The following ASXL2 variants were observed in gnomAD, a reference collection of about 807,000 sequenced individuals.
ASXL2 encodes the protein ASXL transcriptional regulator 2.
In ASXL2, 23 loss-of-function variants were observed where a neutral mutation model predicts 122.0. The ratio of observed to expected loss-of-function variants is 0.19; its 90% CI spans 0.14 to 0.27. ASXL2 has a LOEUF of 0.27. Ranked by LOEUF, ASXL2 falls within the 10% of genes least tolerant of loss-of-function variation. ASXL2 has a pLI of 1.00. For missense variants in ASXL2, 1,518 were observed against 1,713.8 expected, an observed-to-expected ratio of 0.89 and a Z score of 2.02; for synonymous variants, 650 against 637.0, an observed-to-expected ratio of 1.02 and a Z score of -0.31.
chr2:25,802,578 T>C (rs2089016942), intron 4 of ASXL2, among the ~76,000 whole-genome samples: 1 of 152,190 alleles, frequency 6.6e-6, no homozygotes, highest in Non-Finnish European at 1.5e-5. Flanking sequence ...ACACAGCTCC[T>C]ATGTCCCTTG....
chr2:25,780,465 C>T (rs1454531066), intron 5 of ASXL2, among the ~76,000 whole-genome samples: 1 of 152,004 alleles, frequency 6.6e-6, no homozygotes, highest in Non-Finnish European at 1.5e-5. Flanking sequence ...TACATCTTAA[C>T]CAGTGGTTCT....
intron 9 of ASXL2, 26 bp from the exon 10 acceptor site, chr2:25,756,140 A>G: frequency 1.4e-6 from 2 of 1,471,930 alleles, no homozygotes; most frequent in Non-Finnish European, 1.8e-6. Context: ...AGCCAAGGAA[A>G]GCTTACAAAG....
At chr2:25,827,851 C>T (rs971045539) in intron 3 of ASXL2, among the ~76,000 whole-genome samples, 4 of 152,034 alleles carry the variant, frequency 2.6e-5, no homozygotes, top group Admixed American at 6.5e-5. Flanking sequence ...ATCTAGGAAT[C>T]GCCTAGAGAG....
chr2:25,839,692 G>A (rs559341073), intron 2 of ASXL2, among the ~76,000 whole-genome samples: 123 of 146,730 alleles, frequency 8.4e-4, no homozygotes, highest in Non-Finnish European at 1.6e-3. Context: ...GCACGATCAC[G>A]GCTCATTGCA....
intron 5 of ASXL2, 108 bp downstream of exon 5, chr2:25,799,277 G>T: frequency 1.4e-6 from 2 of 1,460,282 alleles, no homozygotes; most frequent in Non-Finnish European, 9.5e-7. Context: ...GTTATAGAGG[G>T]TAAGGGAAAG....
At position 25,734,101 on chromosome 2, in the gene ASXL2, GTTTT is replaced by G. The variant is rs774880259; in HGVS notation, c.*7924_*7927del. The G allele has an allele frequency of 6.7e-6, 1 of 149,092 alleles. No homozygotes were observed. The highest frequency in any genetic ancestry group is 1.5e-5 in the Non-Finnish European group (1 of 67,108). The allele number at this position is 149,092 out of a possible 1,614,324, so 9.2% of individuals were successfully genotyped here. ...TAGGTCAAAGCACTTACAGCTAAGT[GTTTT>G]TTTTTCTTTCAAATTTCTAGAGTTT... is the stretch of plus-strand genomic sequence containing the variant. On this transcript the variant is annotated 3_prime_UTR_variant, in exon 13 of 13. Transcript: ENST00000435504.
rs2087710425 is a variant in ASXL2, at chr2:25,734,885, A to G, written c.*7144T>C. 1 of 152,212 alleles carries G rather than the reference A, an allele frequency of 6.6e-6. No homozygotes were observed. Among genetic ancestry groups the G allele is most frequent in the Non-Finnish European group, 1.5e-5 (1 of 68,018 alleles). The allele number at this position is 152,212 out of a possible 1,614,324, so 9.4% of individuals were successfully genotyped here. ...AGTGAATCTAAAATCTTAAAAAGAA[A>G]TCTCTCAAAAATGGAATAAGCTACT... On this transcript the variant is annotated 3_prime_UTR_variant, in exon 13 of 13. Transcript: ENST00000435504.
chr2:25,812,842 G>C (rs2089188855), intron 3 of ASXL2, among the ~76,000 whole-genome samples: 1 of 152,190 alleles, frequency 6.6e-6, no homozygotes, highest in Non-Finnish European at 1.5e-5. Flanking sequence ...CATGTTGGCA[G>C]CTAAAAGAGT....
rs771318808 is a variant in ASXL2, at chr2:25,737,445, C to CA, written c.*4583dup. 1.3e-5 allele frequency: 2 copies of CA among 152,012 alleles called. No individual in the cohort carries two copies. Among genetic ancestry groups the CA allele is most frequent in the Non-Finnish European group, 2.9e-5 (2 of 67,994 alleles). 9.4% of individuals were successfully genotyped at this position (152,012 alleles called of 1,614,324 possible). On this transcript the variant is annotated 3_prime_UTR_variant, in exon 13 of 13. Coordinates refer to ENST00000435504, the MANE Select transcript of ASXL2 (RefSeq NM_018263.6). ...CCAGTAATGTTAGGGGGTTAGGAGA[C>CA]AAAACAGATTAAGGGAGAAAACATG...
rs533455049 is a variant in ASXL2 at position 25,771,614 on chromosome 2, T to C, written c.404-74A>G. On this transcript the variant is annotated intron_variant, in intron 5 of 12. Transcript: ENST00000435504. ...AAGCACCATTCCTTCCCCAATCATA[T>C]GCTGCTACCTGGAGTAAGAACTATG... The C allele has an allele frequency of 1.9e-5, 23 of 1,194,098 alleles. 1 individual carries two copies. The highest frequency in any genetic ancestry group is 3.9e-4 in the Middle Eastern group (2 of 5,114). 74.0% of individuals were successfully genotyped at this position (1,194,098 alleles called of 1,614,324 possible). A position where few individuals can be genotyped will look rare whatever the true frequency, so the allele number is the denominator to read the frequency against.
At chr2:25,849,084 T>G (rs994856372) in intron 1 of ASXL2, among the ~76,000 whole-genome samples, 3 of 126,282 alleles carry the variant, frequency 2.4e-5, no homozygotes, top group Non-Finnish European at 3.4e-5. Context: ...TATGGAATAT[T>G]TATTTTCTTT....
chr2:25,806,920 T>C (rs1042686748), intron 3 of ASXL2, among the ~76,000 whole-genome samples: 3 of 151,710 alleles, frequency 2.0e-5, no homozygotes, highest in African/African-American at 7.2e-5. Flanking sequence ...TAATAATCTA[T>C]AGAAAAATAT....
At chr2:25,830,985 A>G (rs965605669) in intron 3 of ASXL2, 1 of 152,216 alleles carries the variant, frequency 6.6e-6, no homozygotes, top group South Asian at 2.1e-4. Flanking sequence ...TATCATCAGC[A>G]TTCCAGAAAG....
chr2:25,749,640 C>T, intron 12 of ASXL2, 56 bp downstream of exon 12: 5 of 1,396,830 alleles, frequency 3.6e-6, no homozygotes, highest in Non-Finnish European at 4.7e-6. Context: ...GTAGGTATGA[C>T]CAAAAACATA....
chr2:25,743,929 T>C lies in ASXL2; in HGVS notation c.2408A>G (p.Asn803Ser), dbSNP rs777042734. The change falls in exon 13 of 13, where the codon AAT (asparagine) becomes AGT (serine). Residue 803 changes from asparagine (N) to serine (S), a missense_variant. Around this residue, in one of 8 missense-constraint regions of ASXL2, gnomAD observed 831 missense variants for 833.1 expected, o/e 1.00. Transcript: ENST00000435504. ...TGCTCTGGTGGGGTTCAGTTTTTCA[T>C]TATCCAATTTCTCTATGTGGGCTGG... The part of the protein sequence containing the change: ...PSPAHIEKLD[N>S]EKLNPTRATA... The C allele has an allele frequency of 1.5e-5, 25 of 1,613,870 alleles. No homozygotes were observed. Among genetic ancestry groups the C allele is most frequent in the Non-Finnish European group, 2.0e-5 (24 of 1,179,904 alleles).
intron 9 of ASXL2, among the ~76,000 whole-genome samples, chr2:25,757,799 A>G (rs2088163740): frequency 6.6e-6 from 1 of 151,794 alleles, no homozygotes; most frequent in Admixed American, 6.6e-5. Context: ...CTCCAGATTT[A>G]GAACTTGATA....
At chr2:25,865,069 C>G (rs1313687785) in intron 1 of ASXL2, among the ~76,000 whole-genome samples, 1 of 151,766 alleles carries the variant, frequency 6.6e-6, no homozygotes, top group Non-Finnish European at 1.5e-5. Context: ...GTGATCCACC[C>G]ACCTCAGCCT....
At chr2:25,832,879 A>G (rs1400496899) in intron 3 of ASXL2, among the ~76,000 whole-genome samples, 2 of 152,226 alleles carry the variant, frequency 1.3e-5, no homozygotes, top group Non-Finnish European at 2.9e-5. Context: ...TATGAACACA[A>G]TAACTTGGAG....
intron 11 of ASXL2, among the ~76,000 whole-genome samples, chr2:25,752,014 C>T (rs966213746): frequency 2.6e-5 from 4 of 152,028 alleles, no homozygotes; most frequent in African/African-American, 7.3e-5. Context: ...TCAAGTGATC[C>T]GCCCACCTCA....
Sources: gnomAD v4.1 joint callset for allele counts (sites outside exome capture counted in the v4.1 genomes callset) on GRCh38, gnomAD v4.1.1 for gene constraint, gnomAD v4.1.1 regional missense constraint, MANE v1.5 for transcripts, NCBI Gene and HGNC (gene_info 2026-07-23, HGNC 2026-07-21) for gene names.